The following ANKUB1 variants were observed in gnomAD, a reference collection of about 807,000 sequenced individuals.
ANKUB1 encodes the protein ankyrin repeat and ubiquitin domain containing 1, also known as protein ANKUB1.
ANKUB1 carries 42 observed loss-of-function variants against 49.3 expected under a neutral mutation model. The observed-to-expected ratio is 0.85, with a 90% CI of 0.67 to 1.10. The LOEUF is 1.10. Ranked by LOEUF, ANKUB1 falls within the 50% of genes least tolerant of loss-of-function variation. The pLI, the probability that ANKUB1 is intolerant of heterozygous loss-of-function variation, is 0.00. For synonymous variants in ANKUB1, 222 were observed against 231.0 expected, an observed-to-expected ratio of 0.96 and a Z score of 0.35; for missense variants, 613 against 642.0, an observed-to-expected ratio of 0.95 and a Z score of 0.49.
intron 3 of ANKUB1, among the ~76,000 whole-genome samples, chr3:149,777,502 A>ACAAC (rs35412105): frequency 8.6e-5 from 13 of 151,550 alleles, no homozygotes; most frequent in East Asian, 3.9e-4. Flanking sequence ...AACAACAACA[A>ACAAC]AAAAACACTC....
Position 149,761,474 on chromosome 3 carries a change from T to G in ANKUB1, c.*10A>C, listed in dbSNP as rs1334311232. 15 of 1,551,188 alleles carry G rather than the reference T, an allele frequency of 9.7e-6. No homozygotes were observed. The highest frequency in any genetic ancestry group is 2.0e-5 in the Admixed American group (1 of 50,986). Reference sequence around the variant, plus strand: ...CAGGTCTTTGTCCAAACTGAAGTTGTCATGACTTTTCAAAGCACAGTTTCT... The same window carrying G: ...CAGGTCTTTGTCCAAACTGAAGTTGGCATGACTTTTCAAAGCACAGTTTCT... On this transcript the variant is annotated 3_prime_UTR_variant, in exon 6 of 6. Transcript: ENST00000446160.
chr3:149,772,510 C>T (rs1320436132), intron 3 of ANKUB1, among the ~76,000 whole-genome samples: 1 of 152,200 alleles, frequency 6.6e-6, no homozygotes, highest in Non-Finnish European at 1.5e-5. Context: ...TTATTCAGGT[C>T]TCTGCTCAAT....
chr3:149,782,806 T>C (rs546470029), intron 2 of ANKUB1, among the ~76,000 whole-genome samples: 1 of 152,148 alleles, frequency 6.6e-6, no homozygotes, highest in Admixed American at 6.5e-5. Flanking sequence ...TCCCAAAGTA[T>C]TGGGATTACA....
chr3:149,781,988 C>A (rs1386028644), intron 2 of ANKUB1, among the ~76,000 whole-genome samples: 1 of 152,148 alleles, frequency 6.6e-6, no homozygotes, highest in African/African-American at 2.4e-5. Flanking sequence ...CCACGCCGTG[C>A]TTTCCTATGG....
intron 3 of ANKUB1, among the ~76,000 whole-genome samples, chr3:149,771,651 A>T (rs1336111039): frequency 6.6e-6 from 1 of 151,418 alleles, no homozygotes; most frequent in Non-Finnish European, 1.5e-5. Context: ...TTGCTTGAAG[A>T]TTTTTTTTTC....
chr3:149,762,278 A>G lies in ANKUB1; in HGVS notation c.1506-665T>C, dbSNP rs554162374. On this transcript the variant is annotated intron_variant, in intron 5 of 5. Transcript: ENST00000446160. Reference sequence around the variant, plus strand: ...ATCCATGACTCCTTGACCTTTCTCAAAAGTGGCATATCTCCAATTAACAAA... The same window carrying G: ...ATCCATGACTCCTTGACCTTTCTCAGAAGTGGCATATCTCCAATTAACAAA... 4.6e-5 allele frequency among the ~76,000 whole-genome samples: 7 copies of G among 152,246 alleles called. No individual in the cohort carries two copies. In the South Asian group the frequency reaches 1.4e-3, roughly 32 times the overall value.
At chr3:149,764,495 G>A (rs1043305338) in intron 5 of ANKUB1, among the ~76,000 whole-genome samples, 3 of 133,592 alleles carry the variant, frequency 2.2e-5, no homozygotes, top group East Asian at 2.2e-4. Context: ...GTAAATGTGC[G>A]GTCAGACTGA....
chr3:149,785,347 G>C (rs1273474005), intron 2 of ANKUB1, among the ~76,000 whole-genome samples: 1 of 152,006 alleles, frequency 6.6e-6, no homozygotes, highest in East Asian at 1.9e-4. Context: ...TGCCATGTTG[G>C]TGTGCTGCAC....
At chr3:149,771,472 A>T (rs1717356956) in intron 3 of ANKUB1, among the ~76,000 whole-genome samples, 1 of 152,190 alleles carries the variant, frequency 6.6e-6, no homozygotes, top group Non-Finnish European at 1.5e-5. Flanking sequence ...GATTGAAAGG[A>T]TCTTCATCAG....
chr3:149,781,724 AC>A (rs1386700506), intron 2 of ANKUB1, among the ~76,000 whole-genome samples: 1 of 152,194 alleles, frequency 6.6e-6, no homozygotes, highest in Non-Finnish European at 1.5e-5. Context: ...CAACATGCAG[AC>A]CTTTTTCAAA....
rs1205013110 is a variant in ANKUB1 at position 149,767,596 on chromosome 3, T to C, written c.1066A>G (p.Lys356Glu). The change falls in exon 5 of 6, where the codon AAA (lysine) becomes GAA (glutamate). Residue 356 changes from lysine to glutamate, a missense_variant. By Grantham distance (56) the Lys-to-Glu change is moderately conservative. Coordinates refer to ENST00000446160, the MANE Select transcript of ANKUB1 (RefSeq NM_001144960.3). ...TVMVDGFTKP[K>E]MTSKSWHKAG... Reference sequence around the variant, plus strand: ...TTATGCCAGCTCTTGGAGGTCATTTTTGGTTTGGTGAAACCATCCACCATC... The same window carrying C: ...TTATGCCAGCTCTTGGAGGTCATTTCTGGTTTGGTGAAACCATCCACCATC... 1.3e-6 allele frequency: 2 copies of C among 1,551,730 alleles called. No homozygotes were observed. Among genetic ancestry groups the C allele is most frequent in the East Asian group, 2.4e-5 (1 of 40,920 alleles).
intron 2 of ANKUB1, among the ~76,000 whole-genome samples, chr3:149,786,972 T>C (rs1470392652): frequency 2.0e-5 from 3 of 152,126 alleles, no homozygotes; most frequent in Non-Finnish European, 2.9e-5. Flanking sequence ...TTTGGTTACT[T>C]TAGCCTTATA....
rs1309414996 is a variant in ANKUB1 at position 149,767,996 on chromosome 3, G to A, written c.666C>T (p.Val222=). 5 of 1,516,934 alleles carry A rather than the reference G, an allele frequency of 3.3e-6. No individual in the cohort carries two copies. The highest frequency in any genetic ancestry group is 2.1e-5 in the Admixed American group (1 of 48,262). 94.0% of individuals were successfully genotyped at this position (1,516,934 alleles called of 1,614,324 possible). The part of the protein sequence containing the change: ...LKQGARPHEA[V]GVHPYRAWCH... ...ACCATGCTCGATAGGGGTGAACACC[G>A]ACTGCCTCGTGGGGCCGCGCACCCT... The change falls in exon 5 of 6, where the codon GTC becomes GTT. Residue 222 remains valine (V), a synonymous_variant. Transcript: ENST00000446160.
chr3:149,780,320 C>T lies in ANKUB1; in HGVS notation c.370G>A (p.Val124Met), dbSNP rs200616244. The change falls in exon 3 of 6, where the codon GTG becomes ATG. Residue 124 changes from valine (V) to methionine (M), a missense_variant. Val to Met is a conservative substitution (Grantham distance 21). Transcript: ENST00000446160. ...TLVTLRCGLP[V>M]SVYCLRTPRG... ...GGGGTTCGGAGACAGTAGACACTCA[C>T]GGGGAGGCCACATCTCAGAGTTACC... 507 of 1,551,658 alleles carry T rather than the reference C, an allele frequency of 3.3e-4. No individual in the cohort carries two copies. Among genetic ancestry groups the T allele is most frequent in the Middle Eastern group, 1.5e-3 (9 of 6,014 alleles).
chr3:149,788,573 T>G (rs534210285), intron 2 of ANKUB1, among the ~76,000 whole-genome samples: 8 of 152,226 alleles, frequency 5.3e-5, no homozygotes, highest in Non-Finnish European at 1.0e-4. Flanking sequence ...GAATAACCTC[T>G]TTTACCCCTA....
rs771240540 is a variant in ANKUB1 at position 149,767,692 on chromosome 3, G to C, written c.970C>G (p.Gln324Glu). ...IKIKQWILRA[Q>E]SHSLHKSQFC... ...TGGCTTTTATGAAGACTGTGACTCTGAGCTCTGAGGATCCATTGTTTTATT... is the reference window on the plus strand; with the variant it reads ...TGGCTTTTATGAAGACTGTGACTCTCAGCTCTGAGGATCCATTGTTTTATT... Residue 324 changes from glutamine to glutamate, a missense_variant, in exon 5 of 6, where the codon CAG (glutamine) becomes GAG (glutamate). Gln to Glu is a conservative substitution (Grantham distance 29, BLOSUM62 2). Transcript: ENST00000446160. 3.9e-6 allele frequency: 6 copies of C among 1,551,672 alleles called. No individual in the cohort carries two copies. Among genetic ancestry groups the C allele is most frequent in the Non-Finnish European group, 5.2e-6 (6 of 1,146,994 alleles).
At chr3:149,783,306 A>T (rs978500619) in intron 2 of ANKUB1, 1 of 152,256 alleles carries the variant, frequency 6.6e-6, no homozygotes, top group Non-Finnish European at 1.5e-5. Flanking sequence ...AAGGCTGGTC[A>T]GTCACAACCA....
chr3:149,792,226 G>T, intron 1 of ANKUB1, 51 bp downstream of exon 1: 2 of 1,316,534 alleles, frequency 1.5e-6, no homozygotes, highest in East Asian at 2.7e-5. Flanking sequence ...TAAATGCACT[G>T]CATTGTTAAA....
At chr3:149,780,625 A>T in intron 2 of ANKUB1, among the ~76,000 whole-genome samples, 170 bp from the exon 3 acceptor site, 1 of 152,108 alleles carries the variant, frequency 6.6e-6, no homozygotes, top group Admixed American at 6.6e-5. Context: ...TTATGTCCTG[A>T]GATATTAACA....
Sources: gnomAD v4.1 joint callset for allele counts (sites outside exome capture counted in the v4.1 genomes callset) on GRCh38, gnomAD v4.1.1 for gene constraint, MANE v1.5 for transcripts, NCBI Gene and HGNC (gene_info 2026-07-23, HGNC 2026-07-21) for gene names.